Variants in KHDRBS2 observed in about 807,000 individuals in gnomAD.
KHDRBS2 encodes the protein KH RNA binding domain containing, signal transduction associated 2.
A neutral mutation model predicts 44.3 loss-of-function variants in KHDRBS2; 26 were observed. The observed-to-expected ratio is 0.59, with a 90% CI of 0.43 to 0.81. The LOEUF is 0.81. Among genes scored for constraint, KHDRBS2 ranks in the 40% least tolerant of loss-of-function variants. KHDRBS2 has a pLI of 0.00. For synonymous variants in KHDRBS2, 194 were observed against 151.1 expected, an observed-to-expected ratio of 1.28 and a Z score of -2.08; for missense variants, 476 against 433.1, an observed-to-expected ratio of 1.10 and a Z score of -0.88.
At chr6:61,647,838 T>C in the KHDRBS2 span, among the ~76,000 whole-genome samples, 1 of 152,160 alleles carries the variant, frequency 6.6e-6, no homozygotes, top group East Asian at 1.9e-4. Flanking sequence ...TTATTCTACC[T>C]TAATCAGTAA....
chr6:61,755,671 T>C (rs1472614476), intron 6 of KHDRBS2, among the ~76,000 whole-genome samples: 3 of 150,970 alleles, frequency 2.0e-5, no homozygotes, highest in Non-Finnish European at 4.4e-5. Context: ...ATTAGCCGGG[T>C]GTGGTGGTGT....
chr6:62,057,836 G>A (rs924030063), intron 2 of KHDRBS2, among the ~76,000 whole-genome samples: 2 of 151,866 alleles, frequency 1.3e-5, no homozygotes, highest in Non-Finnish European at 2.9e-5. Flanking sequence ...GTAATAACAT[G>A]TCTATTAACC....
chr6:61,776,385 C>G (rs1170613334), intron 6 of KHDRBS2, among the ~76,000 whole-genome samples: 164 of 151,880 alleles, frequency 1.1e-3, no homozygotes, highest in African/African-American at 3.8e-3. Flanking sequence ...TTTTCACAAC[C>G]TACTCATCTG....
At chr6:62,226,077 G>C (rs569398409) in intron 1 of KHDRBS2, among the ~76,000 whole-genome samples, 2 of 152,104 alleles carry the variant, frequency 1.3e-5, no homozygotes, top group African/African-American at 4.8e-5. Flanking sequence ...TGGGTCAAAT[G>C]GTACTTCTGG....
intron 2 of KHDRBS2, among the ~76,000 whole-genome samples, chr6:62,116,959 T>C (rs1201465648): frequency 2.6e-5 from 4 of 152,178 alleles, no homozygotes; most frequent in Non-Finnish European, 4.4e-5. Context: ...CAATTTATTG[T>C]GCATATATAC....
At chr6:61,788,196 T>C (rs1784110720) in intron 6 of KHDRBS2, among the ~76,000 whole-genome samples, 1 of 151,570 alleles carries the variant, frequency 6.6e-6, no homozygotes, top group South Asian at 2.1e-4. Flanking sequence ...CTTAGTCAGC[T>C]ACTTTCATGA....
the KHDRBS2 span, among the ~76,000 whole-genome samples, chr6:61,558,117 A>G: frequency 2.7e-5 from 4 of 150,102 alleles, no homozygotes; most frequent in South Asian, 2.1e-4. Flanking sequence ...CCTTTATTTC[A>G]ATTTCATTTA....
intron 6 of KHDRBS2, among the ~76,000 whole-genome samples, chr6:61,738,750 T>C (rs929914810): frequency 1.1e-4 from 16 of 151,972 alleles, no homozygotes; most frequent in African/African-American, 3.4e-4. Flanking sequence ...TTAATATTCC[T>C]ACTAATTTCT....
the KHDRBS2 span, among the ~76,000 whole-genome samples, chr6:61,624,269 A>T: frequency 6.6e-6 from 1 of 152,196 alleles, no homozygotes; most frequent in Non-Finnish European, 1.5e-5. Context: ...GCCTAGCCAC[A>T]GTGGCCTAGA....
chr6:61,582,212 T>C, the KHDRBS2 span, among the ~76,000 whole-genome samples: 4 of 151,350 alleles, frequency 2.6e-5, no homozygotes, highest in East Asian at 1.9e-4. Flanking sequence ...AAACCAAACA[T>C]AAGAACAATA....
intron 7 of KHDRBS2, among the ~76,000 whole-genome samples, chr6:61,719,236 C>G (rs1414140208): frequency 6.6e-6 from 1 of 152,142 alleles, no homozygotes; most frequent in Non-Finnish European, 1.5e-5. Context: ...AATTAAATTA[C>G]TATTAGAATC....
the KHDRBS2 span, among the ~76,000 whole-genome samples, chr6:61,572,062 G>C: frequency 1.3e-5 from 2 of 151,984 alleles, no homozygotes; most frequent in Non-Finnish European, 2.9e-5. Context: ...CAAATTGATA[G>C]ATCATCAGAA....
intron 7 of KHDRBS2, among the ~76,000 whole-genome samples, chr6:61,729,810 G>C (rs1388103596): frequency 6.6e-6 from 1 of 152,010 alleles, no homozygotes. Flanking sequence ...TGATTCTAAA[G>C]TTTTAGCAGT....
intron 6 of KHDRBS2, among the ~76,000 whole-genome samples, chr6:61,774,125 A>G (rs2127578172): frequency 6.6e-6 from 1 of 152,122 alleles, no homozygotes; most frequent in South Asian, 2.1e-4. Flanking sequence ...TTGGCGATGC[A>G]GGCTCTTTTT....
intron 1 of KHDRBS2, among the ~76,000 whole-genome samples, chr6:62,233,836 A>G (rs1182854584): frequency 6.6e-6 from 1 of 152,142 alleles, no homozygotes; most frequent in Admixed American, 6.6e-5. Flanking sequence ...TTATGGCTGC[A>G]TAGTATTCCA....
At chr6:61,869,398 G>C (rs1798263822) in intron 6 of KHDRBS2, among the ~76,000 whole-genome samples, 1 of 152,118 alleles carries the variant, frequency 6.6e-6, no homozygotes, top group South Asian at 2.1e-4. Context: ...AGTATATTTA[G>C]TAACAAGGCA....
intron 3 of KHDRBS2, among the ~76,000 whole-genome samples, chr6:62,043,463 A>C (rs1786988800): frequency 6.6e-6 from 1 of 152,092 alleles, no homozygotes; most frequent in Non-Finnish European, 1.5e-5. Flanking sequence ...TTTCTCTAAG[A>C]ATACTTTTTC....
chr6:62,083,507 C>T (rs770741607), intron 2 of KHDRBS2, among the ~76,000 whole-genome samples: 67 of 152,182 alleles, frequency 4.4e-4, no homozygotes, highest in Non-Finnish European at 7.6e-4. Context: ...CCACTTAAGC[C>T]ATCCACGGAC....
chr6:61,558,015 T>A, the KHDRBS2 span, among the ~76,000 whole-genome samples: 13 of 152,290 alleles, frequency 8.5e-5, no homozygotes, highest in Non-Finnish European at 1.6e-4. Context: ...TATGTTTGGG[T>A]CTTTTCTCTT....
Sources: allele counts gnomAD v4.1 joint callset (sites outside exome capture counted in the v4.1 genomes callset), GRCh38; gene constraint gnomAD v4.1.1; transcripts MANE v1.5; gene names NCBI Gene and HGNC (gene_info 2026-07-23, HGNC 2026-07-21).